Variants in ASIC2 observed in about 807,000 individuals in gnomAD.
The protein encoded by ASIC2 is acid-sensing ion channel 2.
Under a neutral mutation model 57.3 loss-of-function variants are expected in ASIC2, and 25 were observed. The observed-to-expected ratio is 0.44, with a 90% CI of 0.32 to 0.61. The LOEUF (loss-of-function observed/expected upper bound fraction) is 0.61, where lower values mean the gene tolerates loss of function less well. Ranked by LOEUF, ASIC2 falls within the 20% of genes least tolerant of loss-of-function variation. The probability of loss-of-function intolerance (pLI) is 0.06; values close to 1 mark genes in which losing one functional copy is unlikely to be tolerated. For synonymous variants in ASIC2, 319 were observed against 307.5 expected (o/e 1.04, Z -0.39); for missense variants, 641 against 738.1 (o/e 0.87, Z 1.52).
chr17:34,126,556 C>T (rs1191969613), intron 1 of ASIC2, among the ~76,000 whole-genome samples: 1 of 152,180 alleles, frequency 6.6e-6, no homozygotes, highest in Non-Finnish European at 1.5e-5. Context: ...CCCTCTTCTC[C>T]ACTTCTCTCT....
At chr17:33,480,655 T>G (rs116921034) in intron 1 of ASIC2, among the ~76,000 whole-genome samples, 1 of 152,072 alleles carries the variant, frequency 6.6e-6, no homozygotes, top group Non-Finnish European at 1.5e-5. Flanking sequence ...TCTCCTTACT[T>G]TCTATAAAGA....
intron 1 of ASIC2, among the ~76,000 whole-genome samples, chr17:33,874,155 C>A (rs866952201): frequency 1.8e-4 from 27 of 152,112 alleles, no homozygotes; most frequent in African/African-American, 6.3e-4. Context: ...CTAGCGATGC[C>A]CTGGTGAAAA....
intron 1 of ASIC2, among the ~76,000 whole-genome samples, chr17:33,856,398 A>G (rs1913929890): frequency 2.0e-5 from 1 of 50,898 alleles, no homozygotes; most frequent in African/African-American, 6.3e-5. Flanking sequence ...TGGTGGCTGT[A>G]GCAGCAGTAT....
intron 1 of ASIC2, among the ~76,000 whole-genome samples, chr17:33,703,335 TGCTG>T (rs1908765327): frequency 6.6e-6 from 1 of 151,666 alleles, no homozygotes; most frequent in Admixed American, 6.6e-5. Context: ...TTTTTTTTGT[TGCTG>T]TTGTTGTTGT....
chr17:34,086,480 AGGTGT>A (rs1910116327), intron 1 of ASIC2, among the ~76,000 whole-genome samples: 1 of 151,900 alleles, frequency 6.6e-6, no homozygotes, highest in Non-Finnish European at 1.5e-5. Flanking sequence ...ATTTTGGAAT[AGGTGT>A]GGTGTGGTGC....
At chr17:33,723,585 T>C (rs1909451760) in intron 1 of ASIC2, among the ~76,000 whole-genome samples, 1 of 152,216 alleles carries the variant, frequency 6.6e-6, no homozygotes, top group Non-Finnish European at 1.5e-5. Context: ...TGCCTCGGCA[T>C]CCCAAAGTGC....
At chr17:33,556,873 C>A (rs1315582813) in intron 1 of ASIC2, among the ~76,000 whole-genome samples, 1 of 152,206 alleles carries the variant, frequency 6.6e-6, no homozygotes, top group Non-Finnish European at 1.5e-5. Flanking sequence ...ATAAGCATAT[C>A]TTAGCAAATT....
chr17:33,299,686 TC>T (rs1251116310), intron 1 of ASIC2, among the ~76,000 whole-genome samples: 2 of 152,018 alleles, frequency 1.3e-5, no homozygotes, highest in Non-Finnish European at 2.9e-5. Context: ...CACAAGCAAT[TC>T]CCAGGTATAA....
intron 1 of ASIC2, chr17:34,038,114 A>T: frequency 6.2e-7 from 1 of 1,612,944 alleles, no homozygotes; most frequent in Non-Finnish European, 8.5e-7. Context: ...TGTAATTTTT[A>T]TCTCTCCACA....
chr17:33,145,228 G>C (rs1904509472), intron 1 of ASIC2, among the ~76,000 whole-genome samples: 1 of 152,232 alleles, frequency 6.6e-6, no homozygotes. Flanking sequence ...GCCTCTACCA[G>C]CTTCCAGCTC....
intron 1 of ASIC2, among the ~76,000 whole-genome samples, chr17:33,870,540 A>C (rs1914377487): frequency 6.6e-6 from 1 of 152,002 alleles, no homozygotes; most frequent in South Asian, 2.1e-4. Context: ...GGAAGAATTC[A>C]GGGTGCCACC....
chr17:33,273,112 C>T (rs1904571626), intron 1 of ASIC2, among the ~76,000 whole-genome samples: 1 of 152,014 alleles, frequency 6.6e-6, no homozygotes, highest in Non-Finnish European at 1.5e-5. Flanking sequence ...AATTGTAATC[C>T]ATGGCCAAAT....
chr17:33,574,486 G>C (rs1567655555), intron 1 of ASIC2, among the ~76,000 whole-genome samples: 1 of 152,112 alleles, frequency 6.6e-6, no homozygotes, highest in Non-Finnish European at 1.5e-5. Context: ...GGGTTGCGTA[G>C]GGGTGCTGTG....
At chr17:33,920,874 C>T (rs1915696514) in intron 1 of ASIC2, among the ~76,000 whole-genome samples, 1 of 152,146 alleles carries the variant, frequency 6.6e-6, no homozygotes, top group African/African-American at 2.4e-5. Flanking sequence ...CTTGTTTCAC[C>T]TTGCATGTTT....
At chr17:33,699,045 GTCT>G (rs1908617173) in intron 1 of ASIC2, among the ~76,000 whole-genome samples, 1 of 152,184 alleles carries the variant, frequency 6.6e-6, no homozygotes, top group African/African-American at 2.4e-5. Flanking sequence ...TCCTAAAGGG[GTCT>G]GTTCAGAAAT....
intron 1 of ASIC2, among the ~76,000 whole-genome samples, chr17:33,548,374 C>T (rs74796201): frequency 2.0e-4 from 30 of 152,298 alleles, no homozygotes; most frequent in African/African-American, 5.3e-4. Context: ...GCTAAAGATA[C>T]GCTCAGGAGG....
chr17:33,527,491 G>A (rs1409757280), intron 1 of ASIC2, among the ~76,000 whole-genome samples: 4 of 152,204 alleles, frequency 2.6e-5, no homozygotes, highest in Admixed American at 1.3e-4. Flanking sequence ...ACATCAGGGT[G>A]GCAGAGGAGA....
chr17:33,425,782 G>A (rs1239900428), intron 1 of ASIC2, among the ~76,000 whole-genome samples: 2 of 152,174 alleles, frequency 1.3e-5, no homozygotes, highest in African/African-American at 4.8e-5. Flanking sequence ...TGGCTGTGAA[G>A]TCCTCCATCT....
At position 33,079,445 on chromosome 17, in the gene ASIC2, T is replaced by C. The variant is rs553171104; in HGVS notation, c.987+9418A>G. Among the ~76,000 whole-genome samples, 5 of 151,772 alleles carry C rather than the reference T, an allele frequency of 3.3e-5. No individual in the cohort carries two copies. The East Asian group carries it at 9.7e-4, about 29-fold the overall frequency. On this transcript the variant is annotated intron_variant, in intron 3 of 9. Transcript: ENST00000225823. ...GCTCTGTTTAATGTGGCTGGGGTGT[T>C]GTGTGGGAGGCTGGGGGAGTAGAGT... is the stretch of plus-strand genomic sequence containing the variant.
Sources: gnomAD v4.1 joint callset for allele counts (sites outside exome capture counted in the v4.1 genomes callset) on GRCh38, gnomAD v4.1.1 for gene constraint, MANE v1.5 for transcripts, NCBI Gene and HGNC (gene_info 2026-07-23, HGNC 2026-07-21) for gene names.